Variants in DACH2 observed in about 807,000 individuals in gnomAD.
DACH2 encodes the protein dachshund homolog 2.
In DACH2, 17 loss-of-function variants were observed where a neutral mutation model predicts 35.8. That is an observed-to-expected ratio of 0.48 (90% confidence interval 0.33 to 0.71). DACH2 has a LOEUF of 0.71. Ranked by LOEUF, DACH2 falls within the 30% of genes least tolerant of loss-of-function variation. The pLI is 0.02. For synonymous variants in DACH2, 195 were observed against 177.3 expected (o/e 1.10, Z -0.79); for missense variants, 469 against 472.7 (o/e 0.99, Z 0.07).
At chrX:86,466,788 A>G (rs2037677418) in intron 2 of DACH2, among the ~76,000 whole-genome samples, 1 of 111,061 alleles carries the variant, frequency 9.0e-6, no homozygotes. Flanking sequence ...TCAACACCAC[A>G]TGGAAGCTGC....
chrX:86,793,922 T>C lies in DACH2; in HGVS notation c.1241-18934T>C, dbSNP rs137863821. Among the ~76,000 whole-genome samples the C allele has an allele frequency of 2.4e-4, 27 of 112,192 alleles. No homozygotes were observed. The East Asian group carries it at 6.5e-3, about 27-fold the overall frequency. On this transcript the variant is annotated intron_variant, in intron 7 of 11. Coordinates refer to ENST00000373125, the MANE Select transcript of DACH2 (RefSeq NM_053281.3). ...TTCATTGTCATACTAGCACACAAAGTGCATTGTACTTAAATCTTTTTTAAA... is the reference window on the plus strand; with the variant it reads ...TTCATTGTCATACTAGCACACAAAGCGCATTGTACTTAAATCTTTTTTAAA...
chrX:86,813,767 T>C (rs1402116263), intron 9 of DACH2, among the ~76,000 whole-genome samples: 9 of 110,997 alleles, frequency 8.1e-5, no homozygotes, highest in Non-Finnish European at 1.9e-5. Context: ...TGATCTTTGG[T>C]CTTCAGGCTT....
chrX:86,327,590 T>C (rs2035138903), intron 1 of DACH2, among the ~76,000 whole-genome samples: 1 of 104,674 alleles, frequency 9.6e-6, no homozygotes, highest in African/African-American at 3.8e-5. Context: ...AGAAAAAAGG[T>C]AGGACGAAAA....
rs775339397 is a variant in DACH2 at position 86,148,845 on chromosome X, G to T, written c.225G>T (p.Gly75=). 28 of 1,209,754 alleles carry T rather than the reference G, an allele frequency of 2.3e-5. No homozygotes were observed. The highest frequency in any genetic ancestry group is 2.8e-5 in the Non-Finnish European group (25 of 895,276). Residue 75 remains glycine, a synonymous_variant, in exon 1 of 12, where the codon GGG becomes GGT. Coordinates refer to ENST00000373125, the MANE Select transcript of DACH2 (RefSeq NM_053281.3). ...AGTGCCGCATGGTCGACATGCACGG[G>T]ATGAAGGTGGCTTCGTTCCTGATGG... ...TNECRMVDMH[G]MKVASFLMDG... is the part of the protein sequence containing the mutation.
At chrX:86,287,813 A>T (rs2034184101) in intron 1 of DACH2, among the ~76,000 whole-genome samples, 1 of 111,706 alleles carries the variant, frequency 9.0e-6, no homozygotes, top group East Asian at 2.8e-4. Context: ...AATTTCTTTG[A>T]GTTTTCTCAA....
At chrX:86,160,282 A>G (rs747796077) in intron 1 of DACH2, 5 of 1,194,332 alleles carry the variant, frequency 4.2e-6, no homozygotes, top group Non-Finnish European at 5.6e-6. Context: ...TGCCAGCTCC[A>G]GCAGCCTTCT....
intron 3 of DACH2, among the ~76,000 whole-genome samples, chrX:86,550,724 C>T (rs755357516): frequency 5.4e-5 from 6 of 111,149 alleles, no homozygotes; most frequent in Non-Finnish European, 7.6e-5. Context: ...GTGCCCTATG[C>T]GAAGTTCCAT....
chrX:86,188,339 C>G (rs2031739086), intron 1 of DACH2, among the ~76,000 whole-genome samples: 1 of 111,768 alleles, frequency 8.9e-6, no homozygotes, highest in Admixed American at 9.5e-5. Flanking sequence ...CTACTCCTAA[C>G]CTTTGGTCTA....
chrX:86,242,591 G>A lies in DACH2; in HGVS notation c.488+93483G>A, dbSNP rs184272843. Among the ~76,000 whole-genome samples, 16 of 111,562 alleles carry A rather than the reference G, an allele frequency of 1.4e-4. No homozygotes were observed. The Admixed American group carries it at 1.5e-3, about 11-fold the overall frequency. On this transcript the variant is annotated intron_variant, in intron 1 of 11. Transcript: ENST00000373125. ...ATGCTGGAATGAGTTAAGACTTTGGGGGACTGTTGGGAAGGCATGACTGGT... is the reference window on the plus strand; with the variant it reads ...ATGCTGGAATGAGTTAAGACTTTGGAGGACTGTTGGGAAGGCATGACTGGT...
intron 7 of DACH2, among the ~76,000 whole-genome samples, chrX:86,759,756 G>A (rs1408710307): frequency 1.8e-5 from 2 of 110,733 alleles, no homozygotes; most frequent in African/African-American, 6.6e-5. Flanking sequence ...GTGAATTTCT[G>A]CAGTGGTAAC....
intron 3 of DACH2, among the ~76,000 whole-genome samples, chrX:86,624,094 G>T (rs1208876357): frequency 9.6e-6 from 1 of 104,040 alleles, no homozygotes; most frequent in Non-Finnish European, 1.9e-5. Context: ...TGGCTGTGCA[G>T]TTCATATTTC....
chrX:86,570,237 G>T (rs2039348134), intron 3 of DACH2, among the ~76,000 whole-genome samples: 1 of 111,466 alleles, frequency 9.0e-6, no homozygotes, highest in African/African-American at 3.3e-5. Context: ...TCGTTACTGG[G>T]TATATACCCA....
At chrX:86,722,989 AT>A (rs1457298792) in intron 6 of DACH2, among the ~76,000 whole-genome samples, 1 of 111,557 alleles carries the variant, frequency 9.0e-6, no homozygotes, top group Non-Finnish European at 1.9e-5. Flanking sequence ...TGTATTAATG[AT>A]TCAATCCCGC....
intron 7 of DACH2, among the ~76,000 whole-genome samples, chrX:86,749,698 A>G (rs760310218): frequency 3.6e-5 from 4 of 111,519 alleles, no homozygotes; most frequent in Non-Finnish European, 5.7e-5. Context: ...CAAAATGTGA[A>G]CAAGTGCTAT....
chrX:86,507,463 CAAAAAAAAAAAAA>C (rs34617943), intron 2 of DACH2, among the ~76,000 whole-genome samples: 17 of 47,648 alleles, frequency 3.6e-4, no homozygotes, highest in South Asian at 1.5e-3. Context: ...AGTGACCTTT[CAAAAAAAAAAAAA>C]AAAAAAAAAA....
intron 3 of DACH2, among the ~76,000 whole-genome samples, chrX:86,584,190 A>G (rs747432622): frequency 8.5e-4 from 95 of 111,141 alleles, no homozygotes; most frequent in African/African-American, 2.9e-3. Flanking sequence ...TGTGCAATCT[A>G]TATCAGTTTG....
intron 2 of DACH2, among the ~76,000 whole-genome samples, chrX:86,407,914 G>A (rs749835353): frequency 8.9e-6 from 1 of 111,958 alleles, no homozygotes; most frequent in Non-Finnish European, 1.9e-5. Flanking sequence ...TCTATGTGAA[G>A]AGGGCAATAA....
intron 2 of DACH2, among the ~76,000 whole-genome samples, chrX:86,432,888 A>G (rs1224356320): frequency 8.9e-6 from 1 of 112,205 alleles, no homozygotes; most frequent in Non-Finnish European, 1.9e-5. Flanking sequence ...ACAGGACACA[A>G]TTCGGCCACT....
intron 7 of DACH2, among the ~76,000 whole-genome samples, chrX:86,766,375 A>G (rs973715247): frequency 1.8e-5 from 2 of 112,161 alleles, no homozygotes; most frequent in Non-Finnish European, 3.8e-5. Context: ...CCTGATTTGC[A>G]GCATTTGCTG....
Sources: allele counts gnomAD v4.1 joint callset (sites outside exome capture counted in the v4.1 genomes callset), GRCh38; gene constraint gnomAD v4.1.1; transcripts MANE v1.5; gene names NCBI Gene and HGNC (gene_info 2026-07-23, HGNC 2026-07-21).